Variants in SCN7A observed in about 807,000 individuals in gnomAD.
The protein encoded by SCN7A is sodium voltage-gated channel alpha subunit 7.
A neutral mutation model predicts 155.2 loss-of-function variants in SCN7A; 138 were observed. The ratio of observed to expected loss-of-function variants is 0.89; its 90% confidence interval spans 0.77 to 1.02. The LOEUF is 1.02. Ranked by LOEUF, SCN7A falls within the 50% of genes least tolerant of loss-of-function variation. SCN7A has a pLI of 0.00. For synonymous variants in SCN7A, 693 were observed against 649.0 expected, an observed-to-expected ratio of 1.07 and a Z score of -1.03; for missense variants, 2,058 against 1,986.6, an observed-to-expected ratio of 1.04 and a Z score of -0.68.
At chr2:166,413,314 G>C (rs1701243045) in intron 21 of SCN7A, among the ~76,000 whole-genome samples, 193 bp from the exon 22 acceptor site, 1 of 151,904 alleles carries the variant, frequency 6.6e-6, no homozygotes, top group Admixed American at 6.6e-5. Flanking sequence ...TTTATTTATA[G>C]TTAATAACAA....
chr2:166,470,286 A>G (rs1231189230), intron 7 of SCN7A, among the ~76,000 whole-genome samples: 1 of 151,912 alleles, frequency 6.6e-6, no homozygotes, highest in Non-Finnish European at 1.5e-5. Context: ...CAGATTAGAC[A>G]TCTGTCTAGA....
intron 11 of SCN7A, among the ~76,000 whole-genome samples, chr2:166,448,803 A>G (rs2105448581): frequency 6.6e-6 from 1 of 152,354 alleles, no homozygotes; most frequent in Admixed American, 6.5e-5. Flanking sequence ...AGTACTAAGT[A>G]ATAACAGAGT....
chr2:166,482,748 C>T (rs1702957550), intron 2 of SCN7A, among the ~76,000 whole-genome samples: 2 of 144,538 alleles, frequency 1.4e-5, no homozygotes, highest in Non-Finnish European at 3.0e-5. Flanking sequence ...GCAGGCATTG[C>T]CTTCTGCGAT....
chr2:166,436,065 A>G (rs922052570), intron 15 of SCN7A, among the ~76,000 whole-genome samples: 3 of 152,218 alleles, frequency 2.0e-5, no homozygotes, highest in Non-Finnish European at 1.5e-5. Flanking sequence ...TAATAACCCT[A>G]TAAGGCAAGT....
At position 166,443,670 on chromosome 2, in the gene SCN7A, T is replaced by A; in HGVS notation, c.1633A>T (p.Ile545Phe). 2 of 1,537,990 alleles carry A rather than the reference T, an allele frequency of 1.3e-6. No individual in the cohort carries two copies. The highest frequency in any genetic ancestry group is 2.4e-5 in the East Asian group (1 of 40,898). Residue 545 changes from isoleucine (I) to phenylalanine (F), a missense_variant, in exon 14 of 26, where the codon ATT (isoleucine) becomes TTT (phenylalanine). Ile to Phe is a conservative substitution (Grantham distance 21). Coordinates refer to ENST00000643258, the MANE Select transcript of SCN7A (RefSeq NM_002976.4). ...TLLNIGNLVF[I>F]GIFTAEMIFK... ...ATCATTTCTGCTGTGAAAATTCCAA[T>A]GAAAACCTAAATCAAAACCAAATAC...
At chr2:166,441,294 A>T in intron 15 of SCN7A, 102 bp downstream of exon 15, 1 of 770,484 alleles carries the variant, frequency 1.3e-6, no homozygotes, top group Non-Finnish European at 2.1e-6. Flanking sequence ...CTATTGGACT[A>T]CCACAGTTAC....
Position 166,465,473 on chromosome 2 carries a change from C to T in SCN7A, c.930G>A (p.Arg310=), listed in dbSNP as rs1447944583. The T allele has an allele frequency of 6.2e-7, 1 of 1,609,120 alleles. No homozygotes were observed. The highest frequency in any genetic ancestry group is 1.7e-5 in the Admixed American group (1 of 59,614). The stretch of plus-strand genomic sequence containing the variant: ...CTAATACCACCTACCCAGCATCTGT[C>T]CTGTTGCCACAAAGGAGAGCATATC... The part of the protein sequence containing the change: ...GERYALLCGN[R]TDAGQCPEGY... The change falls in exon 9 of 26, where the codon AGG becomes AGA. Residue 310 remains arginine (R), a synonymous_variant. Transcript: ENST00000643258.
chr2:166,426,286 G>A (rs1262065637), intron 18 of SCN7A, among the ~76,000 whole-genome samples: 1 of 152,102 alleles, frequency 6.6e-6, no homozygotes, highest in Non-Finnish European at 1.5e-5. Flanking sequence ...TTTGAGCCAT[G>A]TGAAGATCCA....
intron 23 of SCN7A, 121 bp downstream of exon 23, chr2:166,412,409 G>A (rs1188312190): frequency 3.6e-6 from 4 of 1,116,810 alleles, no homozygotes; most frequent in Admixed American, 4.5e-5. Context: ...TAAGATACAT[G>A]TCAAATAAAA....
rs1701961821 is a variant in SCN7A, at chr2:166,441,595, T to C, written c.1958A>G (p.Tyr653Cys). 3.7e-6 allele frequency: 6 copies of C among 1,613,930 alleles called. No homozygotes were observed. The highest frequency in any genetic ancestry group is 5.1e-6 in the Non-Finnish European group (6 of 1,179,878). ...AFGMKLFGKN[Y>C]EEFVCHIDKD... ...GTCTATGTGGCAGACAAATTCTTCA[T>C]AATTCTTACCAAACAGCTTCATGCC... The change falls in exon 15 of 26, where the codon TAT becomes TGT. Residue 653 changes from tyrosine (Y) to cysteine (C), a missense_variant. Tyr to Cys is a radical substitution (Grantham distance 194). Transcript: ENST00000643258.
chr2:166,427,190 A>G (rs1183035466), intron 18 of SCN7A, among the ~76,000 whole-genome samples: 1 of 152,100 alleles, frequency 6.6e-6, no homozygotes, highest in Non-Finnish European at 1.5e-5. Flanking sequence ...TTTTCATAGT[A>G]TAAAGTCAGC....
chr2:166,441,570 G>A lies in SCN7A; in HGVS notation c.1983C>T (p.Asp661=). Residue 661 remains aspartate (D), a synonymous_variant, in exon 15 of 26, where the codon GAC becomes GAT. Coordinates refer to ENST00000643258, the MANE Select transcript of SCN7A (RefSeq NM_002976.4). ...KNYEEFVCHI[D]KDCQLPRWHM... ...GCCAGCGTGGGAGTTGACAGTCTTT[G>A]TCTATGTGGCAGACAAATTCTTCAT... 6.2e-7 allele frequency: 1 copy of A among 1,614,062 alleles called. No individual in the cohort carries two copies. Among genetic ancestry groups the A allele is most frequent in the Non-Finnish European group, 8.5e-7 (1 of 1,179,954 alleles).
At chr2:166,424,553 T>G (rs556131078) in intron 18 of SCN7A, among the ~76,000 whole-genome samples, 1 of 152,126 alleles carries the variant, frequency 6.6e-6, no homozygotes, top group African/African-American at 2.4e-5. Flanking sequence ...AGTAACAAAT[T>G]AGGCAAGATA....
chr2:166,408,589 C>G (rs1454588791), intron 25 of SCN7A, among the ~76,000 whole-genome samples: 1 of 151,798 alleles, frequency 6.6e-6, no homozygotes, highest in East Asian at 1.9e-4. Flanking sequence ...CTATCAGCTC[C>G]CTCTTGTCTT....
At chr2:166,460,265 T>C (rs1011911335) in intron 10 of SCN7A, among the ~76,000 whole-genome samples, 1 of 152,134 alleles carries the variant, frequency 6.6e-6, no homozygotes, top group African/African-American at 2.4e-5. Context: ...AGAAAATTAA[T>C]TCATACATTT....
At chr2:166,448,196 C>A (rs1246500586) in intron 11 of SCN7A, among the ~76,000 whole-genome samples, 2 of 152,094 alleles carry the variant, frequency 1.3e-5, no homozygotes, top group Non-Finnish European at 2.9e-5. Flanking sequence ...CCACATATGA[C>A]TGAAAACATG....
intron 21 of SCN7A, among the ~76,000 whole-genome samples, chr2:166,415,474 C>T (rs189033617): frequency 4.5e-4 from 69 of 152,092 alleles, no homozygotes; most frequent in African/African-American, 1.2e-3. Flanking sequence ...CTGCCCACCT[C>T]GGCCTCCCAA....
intron 7 of SCN7A, among the ~76,000 whole-genome samples, chr2:166,467,675 T>C (rs1472155106): frequency 1.3e-5 from 2 of 151,642 alleles, no homozygotes; most frequent in Non-Finnish European, 1.5e-5. Context: ...TTATATTTTG[T>C]TAGAAAGTTC....
chr2:166,470,928 C>T (rs1702641178), intron 6 of SCN7A, among the ~76,000 whole-genome samples: 2 of 151,760 alleles, frequency 1.3e-5, no homozygotes, highest in Admixed American at 6.6e-5. Flanking sequence ...TGAGAGTTTA[C>T]AAAAGTTTGA....
Sources: gnomAD v4.1 joint callset for allele counts (sites outside exome capture counted in the v4.1 genomes callset) on GRCh38, gnomAD v4.1.1 for gene constraint, MANE v1.5 for transcripts, NCBI Gene and HGNC (gene_info 2026-07-23, HGNC 2026-07-21) for gene names.